Variants in ZNF827 observed in about 807,000 individuals in gnomAD.
ZNF827 encodes zinc finger protein 827.
A neutral mutation model predicts 102.4 loss-of-function variants in ZNF827; 13 were observed. The ratio of observed to expected loss-of-function variants is 0.13; its 90% CI spans 0.08 to 0.20. ZNF827 has a LOEUF of 0.20. ZNF827 is among the 10% of genes least tolerant of loss of function. ZNF827 has a pLI of 1.00. For missense variants in ZNF827, 1,103 were observed against 1,344.4 expected, an observed-to-expected ratio of 0.82 and a Z score of 2.81; for synonymous variants, 523 against 536.2, an observed-to-expected ratio of 0.98 and a Z score of 0.34.
chr4:145,891,873 T>C (rs1446174011), intron 3 of ZNF827, among the ~76,000 whole-genome samples: 1 of 152,174 alleles, frequency 6.6e-6, no homozygotes, highest in African/African-American at 2.4e-5. Context: ...TGGTGCTCAG[T>C]CCAGCAGCTC....
chr4:145,801,744 A>G lies in ZNF827; in HGVS notation c.2383+21678T>C, dbSNP rs1354301915. On this transcript the variant is annotated intron_variant, in intron 8 of 14. Coordinates refer to ENST00000508784, the MANE Select transcript of ZNF827 (RefSeq NM_001306215.2). ...AAGTAATGCCCCAAGGGTGGGATGGAAATTACATTATGTTTTAATTGAGAG... is the reference window on the plus strand; with the variant it reads ...AAGTAATGCCCCAAGGGTGGGATGGGAATTACATTATGTTTTAATTGAGAG... Among the ~76,000 whole-genome samples, 3 of 152,222 alleles carry G rather than the reference A, an allele frequency of 2.0e-5. No individual in the cohort carries two copies. The East Asian group carries it at 5.8e-4, about 29-fold the overall frequency.
chr4:145,877,314 T>G (rs554361818), intron 4 of ZNF827, among the ~76,000 whole-genome samples: 1 of 152,116 alleles, frequency 6.6e-6, no homozygotes, highest in South Asian at 2.1e-4. Flanking sequence ...TATGAACAGG[T>G]TGGGGATCTG....
At chr4:145,882,522 T>TG (rs1211830291) in intron 4 of ZNF827, among the ~76,000 whole-genome samples, 5 of 151,378 alleles carry the variant, frequency 3.3e-5, no homozygotes, top group East Asian at 1.9e-4. Context: ...GGAATGGGGG[T>TG]GGGGGGTATT....
At chr4:145,806,647 T>G (rs1741486223) in intron 8 of ZNF827, among the ~76,000 whole-genome samples, 1 of 152,128 alleles carries the variant, frequency 6.6e-6, no homozygotes, top group Non-Finnish European at 1.5e-5. Flanking sequence ...GACAGGTTTG[T>G]CAGGAGCCAC....
chr4:145,820,700 C>G (rs533520364), intron 8 of ZNF827, among the ~76,000 whole-genome samples: 5 of 152,294 alleles, frequency 3.3e-5, no homozygotes, highest in African/African-American at 1.2e-4. Flanking sequence ...CTTTTTCTCT[C>G]TAACTCAGGC....
intron 7 of ZNF827, among the ~76,000 whole-genome samples, chr4:145,833,569 C>G (rs1230011832): frequency 6.7e-6 from 1 of 150,284 alleles, no homozygotes; most frequent in Non-Finnish European, 1.5e-5. Context: ...CACTCAACCC[C>G]TTCTCCTTCA....
chr4:145,902,772 C>A lies in ZNF827; in HGVS notation c.487G>T (p.Ala163Ser), dbSNP rs139372039. 1 of 1,613,918 alleles carries A rather than the reference C, an allele frequency of 6.2e-7. No individual in the cohort carries two copies. The highest frequency in any genetic ancestry group is 8.5e-7 in the Non-Finnish European group (1 of 1,179,984). The change falls in exon 2 of 15, where the codon GCC becomes TCC. Residue 163 changes from alanine to serine, a missense_variant. Transcript: ENST00000508784. The surrounding 1 kb of genome is among the most constrained non-coding windows in gnomAD (Gnocchi z 4.3). ...CTGGCCAGAACACTGAGCTGCTGGG[C>A]GTGGTGGGAAGGCGGGGAAAAGGAG... ...NLSFSPPSHHAQQLSVLARKL... is the reference protein window; with the variant it reads ...NLSFSPPSHHSQQLSVLARKL...
rs183470989 is a variant in ZNF827, at chr4:145,827,156, C to T, written c.2280-3631G>A. ...AGGCACAAAGAAGTTAGGTAGTTGC[C>T]CATGCCCATGAGTTGAGCATGATGG... On this transcript the variant is annotated intron_variant, in intron 7 of 14. Transcript: ENST00000508784. Among the ~76,000 whole-genome samples, 811 of 152,178 alleles carry T rather than the reference C, an allele frequency of 5.3e-3. 4 individuals carry two copies. Among genetic ancestry groups the T allele is most frequent in the Admixed American group, 0.025 (388 of 15,290 alleles).
chr4:145,838,317 C>T (rs555078180), intron 7 of ZNF827, among the ~76,000 whole-genome samples: 39 of 152,246 alleles, frequency 2.6e-4, no homozygotes, highest in Non-Finnish European at 1.0e-4. Context: ...CACTCCTGCC[C>T]GCCAGAGAAC....
intron 8 of ZNF827, among the ~76,000 whole-genome samples, chr4:145,807,258 G>A (rs981278339): frequency 5.9e-5 from 9 of 152,006 alleles, no homozygotes; most frequent in Non-Finnish European, 1.2e-4. Context: ...TTAAGCTTAC[G>A]GCCTATTAAC....
chr4:145,924,808 C>T (rs1199636831), intron 1 of ZNF827, among the ~76,000 whole-genome samples: 1 of 152,180 alleles, frequency 6.6e-6, no homozygotes, highest in African/African-American at 2.4e-5. Flanking sequence ...TTTCCTACTT[C>T]TTATCTTTAC....
At chr4:145,845,385 C>T (rs1294846753) in intron 7 of ZNF827, among the ~76,000 whole-genome samples, 1 of 152,202 alleles carries the variant, frequency 6.6e-6, no homozygotes, top group Non-Finnish European at 1.5e-5. Flanking sequence ...GAAAAAACTT[C>T]CTTGTCCACA....
intron 8 of ZNF827, among the ~76,000 whole-genome samples, chr4:145,790,629 C>T (rs1739544427): frequency 6.6e-6 from 1 of 152,192 alleles, no homozygotes; most frequent in Admixed American, 6.5e-5. Flanking sequence ...TTGGAATCCA[C>T]TGGTATCCTC....
At chr4:145,930,678 A>T (rs144797189) in intron 1 of ZNF827, among the ~76,000 whole-genome samples, 21 of 152,332 alleles carry the variant, frequency 1.4e-4, no homozygotes, top group African/African-American at 4.8e-4. Flanking sequence ...GTCGGAAACA[A>T]TATCCTTTTT....
intron 13 of ZNF827, among the ~76,000 whole-genome samples, chr4:145,764,443 T>C (rs576151634): frequency 2.6e-5 from 4 of 152,342 alleles, no homozygotes; most frequent in African/African-American, 9.6e-5. Context: ...ATGATGCTCG[T>C]TGTCTAGATC....
intron 4 of ZNF827, among the ~76,000 whole-genome samples, chr4:145,879,269 T>C (rs1435295102): frequency 6.6e-6 from 1 of 152,166 alleles, no homozygotes; most frequent in African/African-American, 2.4e-5. Flanking sequence ...TTACAGACCC[T>C]ATAGGGCTGT....
chr4:145,835,624 C>G (rs1315208759), intron 7 of ZNF827, among the ~76,000 whole-genome samples: 7 of 139,280 alleles, frequency 5.0e-5, no homozygotes, highest in Non-Finnish European at 3.3e-5. Context: ...TCTTGTATCC[C>G]CCCACCTTAA....
At chr4:145,936,207 G>A (rs1416268642) in intron 1 of ZNF827, among the ~76,000 whole-genome samples, 1 of 150,766 alleles carries the variant, frequency 6.6e-6, no homozygotes, top group Non-Finnish European at 1.5e-5. Context: ...GCCCGGCAGC[G>A]GGGCAGTCCG....
intron 8 of ZNF827, among the ~76,000 whole-genome samples, chr4:145,786,939 T>C (rs1579182920): frequency 6.6e-6 from 1 of 152,322 alleles, no homozygotes; most frequent in Non-Finnish European, 1.5e-5. Context: ...ACAATGCAGA[T>C]GGCTGGCACT....
Sources: gnomAD v4.1 joint callset for allele counts (sites outside exome capture counted in the v4.1 genomes callset) on GRCh38, gnomAD v4.1.1 for gene constraint, Gnocchi (gnomAD v3.1) non-coding constraint, MANE v1.5 for transcripts, NCBI Gene and HGNC (gene_info 2026-07-23, HGNC 2026-07-21) for gene names.